The following GRHL3 variants were observed in gnomAD, a reference collection of about 807,000 sequenced individuals.
GRHL3 encodes grainyhead-like protein 3 homolog.
A neutral mutation model predicts 70.3 loss-of-function variants in GRHL3; 20 were observed. That is an observed-to-expected ratio of 0.28 (90% confidence interval 0.20 to 0.41). GRHL3 has a LOEUF of 0.41. GRHL3 is among the 10% of genes least tolerant of loss of function. GRHL3 has a pLI of 1.00. For missense variants in GRHL3, 637 were observed against 762.3 expected (o/e 0.84, Z 1.94); for synonymous variants, 299 against 299.9 (o/e 1.00, Z 0.03).
At chr1:24,341,038 C>T (rs1205682051) in intron 8 of GRHL3, among the ~76,000 whole-genome samples, 1 of 152,072 alleles carries the variant, frequency 6.6e-6, no homozygotes, top group Non-Finnish European at 1.5e-5. Context: ...AGAAGGGGGT[C>T]TGCTCAGACA....
intron 15 of GRHL3, among the ~76,000 whole-genome samples, chr1:24,352,016 G>A (rs554175583): frequency 4.6e-5 from 7 of 152,128 alleles, no homozygotes; most frequent in Admixed American, 3.3e-4. Flanking sequence ...TAATCACTAC[G>A]CAATGTGCAA....
intron 14 of GRHL3, among the ~76,000 whole-genome samples, chr1:24,348,547 C>T (rs1174381185): frequency 6.6e-6 from 1 of 152,190 alleles, no homozygotes; most frequent in Admixed American, 6.5e-5. Context: ...TTGGACAATA[C>T]CTTAAAGGGT....
chr1:24,348,049 T>C (rs911510234), intron 14 of GRHL3, among the ~76,000 whole-genome samples: 4 of 152,010 alleles, frequency 2.6e-5, no homozygotes, highest in Non-Finnish European at 5.9e-5. Flanking sequence ...CAGTCCTGAA[T>C]AAAACCCATA....
rs373482025 is a variant in GRHL3, at chr1:24,336,753, T to C, written c.538T>C (p.Phe180Leu). The C allele has an allele frequency of 6.2e-7, 1 of 1,613,956 alleles. No individual in the cohort carries two copies. The highest frequency in any genetic ancestry group is 1.1e-5 in the South Asian group (1 of 91,074). ...MYDNGSLNSLFESIHGVPPTQ... is the reference protein window; with the variant it reads ...MYDNGSLNSLLESIHGVPPTQ... Reference sequence around the variant, plus strand: ...TGATAATGGCTCCCTCAACTCCTTGTTTGAGAGCATTCATGGGGTGCCGCC... The same window carrying C: ...TGATAATGGCTCCCTCAACTCCTTGCTTGAGAGCATTCATGGGGTGCCGCC... The change falls in exon 4 of 16, where the codon TTT becomes CTT. Residue 180 changes from phenylalanine to leucine, a missense_variant. Coordinates refer to ENST00000361548, the MANE Select transcript of GRHL3 (RefSeq NM_198173.3).
chr1:24,321,624 C>T lies in GRHL3; in HGVS notation c.17+2056C>T, dbSNP rs184860429. Reference sequence around the variant, plus strand: ...GCAGGATCCTGGTGAATTTGTTTGTCCTCCCTGACCCTCAGTCTGCTCATC... The same window carrying T: ...GCAGGATCCTGGTGAATTTGTTTGTTCTCCCTGACCCTCAGTCTGCTCATC... On this transcript the variant is annotated intron_variant, in intron 1 of 15. Coordinates refer to ENST00000361548, the MANE Select transcript of GRHL3 (RefSeq NM_198173.3). The surrounding 1 kb of genome is among the most constrained non-coding windows in gnomAD (Gnocchi z 4.0). 1.8e-4 allele frequency: 28 copies of T among 152,440 alleles called. No homozygotes were observed. The highest frequency in any genetic ancestry group is 1.9e-4 in the East Asian group (1 of 5,182). 9.4% of individuals were successfully genotyped at this position (152,440 alleles called of 1,614,324 possible).
chr1:24,358,010 A>AGCATC (rs1472923226), downstream of GRHL3: 3 of 354,926 alleles, frequency 8.5e-6, no homozygotes, highest in African/African-American at 6.4e-5. Context: ...TGGTGGAAAA[A>AGCATC]GCATCACCTG....
intron 12 of GRHL3, among the ~76,000 whole-genome samples, chr1:24,345,276 C>A (rs75399360): frequency 5.2e-4 from 54 of 103,508 alleles, no homozygotes; most frequent in Middle Eastern, 4.9e-3. Flanking sequence ...ACACCTGTGC[C>A]CCTCCACACC....
Position 24,350,090 on chromosome 1 carries a change from C to T in GRHL3, c.1662C>T (p.Asn554=), listed in dbSNP as rs1268317998. The T allele has an allele frequency of 1.9e-6, 3 of 1,613,846 alleles. No individual in the cohort carries two copies. The highest frequency in any genetic ancestry group is 1.7e-5 in the Admixed American group (1 of 59,982). Residue 554 remains asparagine, a synonymous_variant, in exon 15 of 16, where the codon AAC becomes AAT. Transcript: ENST00000361548. ...ISEKYGFPEE[N]IYKVYKKCKR... is the part of the protein sequence containing the mutation. ...AGAAGTATGGGTTCCCTGAAGAGAACATTTACAAAGTCTACAAGAAATGCA... is the reference window on the plus strand; with the variant it reads ...AGAAGTATGGGTTCCCTGAAGAGAATATTTACAAAGTCTACAAGAAATGCA...
intron 1 of GRHL3, among the ~76,000 whole-genome samples, chr1:24,325,181 C>T (rs1470111285): frequency 4.6e-5 from 7 of 152,186 alleles, no homozygotes; most frequent in Admixed American, 3.9e-4. Flanking sequence ...CCAGCTCAGG[C>T]GGCCCCTGGA....
Position 24,339,726 on chromosome 1 carries a change from A to G in GRHL3, c.1011A>G (p.Ala337=), listed in dbSNP as rs1639966716. 1 of 1,613,296 alleles carries G rather than the reference A, an allele frequency of 6.2e-7. No homozygotes were observed. Among genetic ancestry groups the G allele is most frequent in the Non-Finnish European group, 8.5e-7 (1 of 1,179,386 alleles). ...ACATTGAGGAGGTGGCCTATAATGC[A>G]CTGTCCTTTGTGTGGAACGTGAATG... ...VEHIEEVAYN[A]LSFVWNVNEE... The change falls in exon 8 of 16, where the codon GCA becomes GCG. Residue 337 remains alanine, a synonymous_variant. Coordinates refer to ENST00000361548, the MANE Select transcript of GRHL3 (RefSeq NM_198173.3).
Position 24,347,955 on chromosome 1 carries a change from G to A in GRHL3, c.1629+402G>A, listed in dbSNP as rs186399649. On this transcript the variant is annotated intron_variant, in intron 14 of 15. Coordinates refer to ENST00000361548, the MANE Select transcript of GRHL3 (RefSeq NM_198173.3). ...GCCTGCTTGTGGTTGGCTGGGGGCC[G>A]CTGGCTGGGGTAGCTGAAGGCAATG... 5.5e-3 allele frequency among the ~76,000 whole-genome samples: 834 copies of A among 152,266 alleles called. 10 individuals carry two copies. The highest frequency in any genetic ancestry group is 0.019 in the African/African-American group (785 of 41,552).
At chr1:24,338,675 C>T (rs1639920436) in intron 7 of GRHL3, among the ~76,000 whole-genome samples, 1 of 152,242 alleles carries the variant, frequency 6.6e-6, no homozygotes, top group Non-Finnish European at 1.5e-5. Flanking sequence ...GCTTACAATG[C>T]TGATTTCAGC....
intron 1 of GRHL3, among the ~76,000 whole-genome samples, chr1:24,324,820 T>A (rs560444705): frequency 2.0e-5 from 3 of 152,202 alleles, no homozygotes; most frequent in African/African-American, 7.2e-5. Context: ...CCCATAACGA[T>A]GAGTTCATAC....
chr1:24,336,553 T>C lies in GRHL3; in HGVS notation c.338T>C (p.Leu113Pro). The C allele has an allele frequency of 1.9e-6, 3 of 1,613,572 alleles. No individual in the cohort carries two copies. Among genetic ancestry groups the C allele is most frequent in the Non-Finnish European group, 2.5e-6 (3 of 1,179,736 alleles). ...LESPTHLMKF[L>P]TENVSGTPEY... ...AGCCCCACACACCTCATGAAATTCC[T>C]GACAGAGAACGTGTCTGGAACCCCA... The change falls in exon 4 of 16, where the codon CTG becomes CCG. Residue 113 changes from leucine to proline, a missense_variant. Around this residue, in one of 2 missense-constraint regions of GRHL3, gnomAD observed 250 missense variants for 248.6 expected, o/e 1.01. Transcript: ENST00000361548.
rs112196935 is a variant in GRHL3 at position 24,341,053 on chromosome 1, C to G, written c.1048-1062C>G. Among the ~76,000 whole-genome samples, 508 of 152,202 alleles carry G rather than the reference C, an allele frequency of 3.3e-3. 2 individuals carry two copies. The highest frequency in any genetic ancestry group is 0.011 in the African/African-American group (465 of 41,510). ...AGAAGGGGGTCTGCTCAGACACACC[C>G]CCCCACATCCTGTTTGCATCAGGGT... On this transcript the variant is annotated intron_variant, in intron 8 of 15. Transcript: ENST00000361548.
chr1:24,353,744 T>C (rs1189747424), intron 15 of GRHL3, among the ~76,000 whole-genome samples: 2 of 152,162 alleles, frequency 1.3e-5, no homozygotes, highest in Admixed American at 1.3e-4. Context: ...GCATAAACAA[T>C]GGCTCTGACT....
rs770107500 is a variant in GRHL3 at position 24,360,935 on chromosome 1, TGC to T, written c.1695-3248_1695-3247del. ...AATGATGCACTAGAGATGAAATGCT[TGC>T]GGGGGCCTAAGTAGTCCACGATCTC... On this transcript the variant is annotated intron_variant, in intron 15 of 15. Coordinates refer to the GRHL3 transcript ENST00000350501. The T allele has an allele frequency of 2.5e-6, 4 of 1,613,942 alleles. No individual in the cohort carries two copies. In the African/African-American group the frequency reaches 5.3e-5, roughly 22 times the overall value.
At chr1:24,349,524 A>T (rs1260128162) in intron 14 of GRHL3, among the ~76,000 whole-genome samples, 6 of 152,222 alleles carry the variant, frequency 3.9e-5, no homozygotes, top group Admixed American at 1.3e-4. Flanking sequence ...AGCTGTCTTA[A>T]GTGTTTAATG....
At chr1:24,319,754 G>A in intron 1 of GRHL3, 186 bp downstream of exon 1, 2 of 1,487,452 alleles carry the variant, frequency 1.3e-6, no homozygotes. Context: ...AGAGGTGAGT[G>A]TTTCCCTGGG....
Sources: gnomAD v4.1 joint callset for allele counts (sites outside exome capture counted in the v4.1 genomes callset) on GRCh38, gnomAD v4.1.1 for gene constraint, gnomAD v4.1.1 regional missense constraint, Gnocchi (gnomAD v3.1) non-coding constraint, MANE v1.5 for transcripts, NCBI Gene and HGNC (gene_info 2026-07-23, HGNC 2026-07-21) for gene names.